The following CARNS1 variants were observed in gnomAD, a reference collection of about 807,000 sequenced individuals.
CARNS1 encodes the protein ATP-grasp domain containing 1.
Under a neutral mutation model 74.0 loss-of-function variants are expected in CARNS1, and 61 were observed. The observed-to-expected ratio is 0.82, with a 90% CI of 0.67 to 1.02. The LOEUF (loss-of-function observed/expected upper bound fraction) is 1.02. Ranked by LOEUF, CARNS1 falls within the 50% of genes least tolerant of loss-of-function variation. CARNS1 has a pLI of 0.00. For synonymous variants in CARNS1, 568 were observed against 605.5 expected (o/e 0.94, Z 0.91); for missense variants, 1,278 against 1,308.4 (o/e 0.98, Z 0.36).
At chr11:67,416,297 G>A in intron 2 of CARNS1, 95 bp downstream of exon 2, 1 of 1,532,922 alleles carries the variant, frequency 6.5e-7, no homozygotes. Context: ...CCTAAGCCTG[G>A]GAGTTGCCCC....
intron 9 of CARNS1, 88 bp downstream of exon 9, chr11:67,421,307 G>T: frequency 7.6e-7 from 1 of 1,309,724 alleles, no homozygotes; most frequent in East Asian, 3.1e-5. Flanking sequence ...GAGCAAAGGG[G>T]CGTCCTTGGG....
chr11:67,415,986 G>A, intron 1 of CARNS1, 190 bp from the exon 2 acceptor site: 1 of 595,834 alleles, frequency 1.7e-6, no homozygotes, highest in South Asian at 1.8e-5. Flanking sequence ...CACTGGGGCA[G>A]GAGCCACTCG....
intron 2 of CARNS1, chr11:67,416,749 T>TGG: frequency 2.0e-6 from 2 of 985,938 alleles, no homozygotes; most frequent in Non-Finnish European, 2.4e-6. Flanking sequence ...AGCCCCATAT[T>TGG]GGGGGGGCGC....
chr11:67,421,183 G>C lies in CARNS1; in HGVS notation c.1590G>C (p.Lys530Asn), dbSNP rs1461784352. 2 of 1,495,440 alleles carry C rather than the reference G, an allele frequency of 1.3e-6. No homozygotes were observed. The highest frequency in any genetic ancestry group is 4.4e-5 in the Admixed American group (2 of 45,514). The allele number at this position is 1,495,440 out of a possible 1,614,324, so 92.6% of individuals were successfully genotyped here. A position where few individuals can be genotyped will look rare whatever the true frequency, so the allele number is the denominator to read the frequency against. ...TCGGCGCTGGCGGCGTCAGCAAGAA[G>C]TTCGTGTGGGAGGCGGCGCGCGACT... ...LVVGAGGVSK[K>N]FVWEAARDYG... Residue 530 changes from lysine to asparagine, a missense_variant, in exon 9 of 10, where the codon AAG becomes AAC. Physicochemically the swap from Lys to Asn is moderately conservative, Grantham distance 94. Around this residue, in one of 3 missense-constraint regions of CARNS1, gnomAD observed 1,164 missense variants for 1,156.5 expected, o/e 1.01. Transcript: ENST00000687366.
intron 3 of CARNS1, among the ~76,000 whole-genome samples, chr11:67,417,902 C>T (rs1755825923): frequency 6.6e-6 from 1 of 152,190 alleles, no homozygotes; most frequent in Admixed American, 6.5e-5. Flanking sequence ...CACCCCCTCC[C>T]CAAAAAGACC....
chr11:67,425,011 C>A lies in CARNS1; in HGVS notation c.*410C>A, dbSNP rs1225398974. 8.3e-6 allele frequency: 4 copies of A among 481,246 alleles called. No individual in the cohort carries two copies. The highest frequency in any genetic ancestry group is 5.9e-5 in the African/African-American group (3 of 51,022). 29.8% of individuals were successfully genotyped at this position (481,246 alleles called of 1,614,324 possible). ...GGAGAGGACCTGGCTGGGCCCCAAG[C>A]CTTGGACAAATCCTGGGAAAACCTG... On this transcript the variant is annotated 3_prime_UTR_variant, in exon 10 of 10. Transcript: ENST00000687366.
At chr11:67,418,094 GA>G (rs1364950368) in intron 3 of CARNS1, among the ~76,000 whole-genome samples, 1 of 152,194 alleles carries the variant, frequency 6.6e-6, no homozygotes, top group Non-Finnish European at 1.5e-5. Context: ...GAATACCTGA[GA>G]ATCACAGACT....
At chr11:67,420,166 C>T (rs1013989225) in intron 7 of CARNS1, among the ~76,000 whole-genome samples, 7 of 152,190 alleles carry the variant, frequency 4.6e-5, no homozygotes, top group African/African-American at 1.7e-4. Context: ...CCTCTAGTGC[C>T]TGGACGCCTT....
At chr11:67,418,612 G>A (rs995799299) in intron 4 of CARNS1, 92 bp downstream of exon 4, 39 of 1,435,312 alleles carry the variant, frequency 2.7e-5, no homozygotes, top group Non-Finnish European at 3.4e-5. Flanking sequence ...GCCAACCCTG[G>A]CAACTGCCTG....
At position 67,424,919 on chromosome 11, in the gene CARNS1, G is replaced by A. The variant is rs1863797187; in HGVS notation, c.*318G>A. On this transcript the variant is annotated 3_prime_UTR_variant, in exon 10 of 10. Transcript: ENST00000687366. The stretch of plus-strand genomic sequence containing the variant: ...TCTGACGCCAGCTCCCCAGGTGGGA[G>A]TGGGCCCAAACCCAGCCCCTCCTGT... 1.7e-6 allele frequency: 1 copy of A among 582,404 alleles called. No individual in the cohort carries two copies. The highest frequency in any genetic ancestry group is 3.2e-6 in the Non-Finnish European group (1 of 310,560). The allele number at this position is 582,404 out of a possible 1,614,324, so 36.1% of individuals were successfully genotyped here. A position where few individuals can be genotyped will look rare whatever the true frequency, so the allele number is the denominator to read the frequency against.
rs755150283 is a variant in CARNS1 at position 67,424,016 on chromosome 11, G to C, written c.2268G>C (p.Arg756Ser). The change falls in exon 10 of 10, where the codon AGG becomes AGC. Residue 756 changes from arginine (R) to serine (S), a missense_variant. Physicochemically the swap from Arg to Ser is moderately radical, Grantham distance 110 (BLOSUM62 -1). Coordinates refer to ENST00000687366, the MANE Select transcript of CARNS1 (RefSeq NM_001166222.2). ...AAFVSDNGPT[R>S]LPGFTETAAC... ...TTGTCTCCGACAATGGCCCTACGAG[G>C]CTGCCTGGCTTCACTGAGACGGCGG... is the stretch of plus-strand genomic sequence containing the variant. The C allele has an allele frequency of 6.2e-7, 1 of 1,612,774 alleles. No individual in the cohort carries two copies. The highest frequency in any genetic ancestry group is 8.5e-7 in the Non-Finnish European group (1 of 1,179,806).
chr11:67,424,987 G>T lies in CARNS1; in HGVS notation c.*386G>T. The T allele has an allele frequency of 2.0e-6, 1 of 495,916 alleles. No individual in the cohort carries two copies. Among genetic ancestry groups the T allele is most frequent in the Non-Finnish European group, 3.9e-6 (1 of 253,928 alleles). 30.7% of individuals were successfully genotyped at this position (495,916 alleles called of 1,614,324 possible). The stretch of plus-strand genomic sequence containing the variant: ...ACTCTCTTCCTGCCATCTACAAGAG[G>T]AGAGGACCTGGCTGGGCCCCAAGCC... On this transcript the variant is annotated 3_prime_UTR_variant, in exon 10 of 10. Coordinates refer to ENST00000687366, the MANE Select transcript of CARNS1 (RefSeq NM_001166222.2).
Position 67,425,299 on chromosome 11 carries a change from G to C in CARNS1, c.*698G>C, listed in dbSNP as rs970859930. ...GAGCGGGTCACAGGACATGATGCAG[G>C]GTCCAGGTTTCTGTTTTGATCAAGT... is the stretch of plus-strand genomic sequence containing the variant. On this transcript the variant is annotated 3_prime_UTR_variant, in exon 10 of 10. Coordinates refer to ENST00000687366, the MANE Select transcript of CARNS1 (RefSeq NM_001166222.2). The C allele has an allele frequency of 1.5e-5, 5 of 341,928 alleles. No individual in the cohort carries two copies. Among genetic ancestry groups the C allele is most frequent in the Non-Finnish European group, 2.9e-5 (5 of 172,372 alleles). 21.2% of individuals were successfully genotyped at this position (341,928 alleles called of 1,614,324 possible). A position where few individuals can be genotyped will look rare whatever the true frequency, so the allele number is the denominator to read the frequency against.
intron 2 of CARNS1, 31 bp from the exon 3 acceptor site, chr11:67,417,376 T>C (rs994626702): frequency 3.8e-6 from 5 of 1,299,924 alleles, no homozygotes; most frequent in Non-Finnish European, 4.9e-6. Flanking sequence ...TGGCCCACCC[T>C]GCCCAAGACC....
At position 67,423,354 on chromosome 11, in the gene CARNS1, C is replaced by T. The variant is rs1485984224; in HGVS notation, c.1627-21C>T. The T allele has an allele frequency of 6.3e-7, 1 of 1,584,936 alleles. No individual in the cohort carries two copies. Among genetic ancestry groups the T allele is most frequent in the Non-Finnish European group, 8.6e-7 (1 of 1,162,508 alleles). On this transcript the variant is annotated intron_variant, in intron 9 of 9. Coordinates refer to ENST00000687366, the MANE Select transcript of CARNS1 (RefSeq NM_001166222.2). The surrounding 1 kb of genome is among the most constrained non-coding windows in gnomAD (Gnocchi z 5.1). ...CCAGTACTAGCTGACCTGGATATGC[C>T]CCACCCTGTGGCTTCTGCAGCTGCA... is the stretch of plus-strand genomic sequence containing the variant.
rs776915575 is a variant in CARNS1 at position 67,419,139 on chromosome 11, G to A, written c.748G>A (p.Gly250Arg). 6.4e-7 allele frequency: 1 copy of A among 1,570,662 alleles called. No homozygotes were observed. The highest frequency in any genetic ancestry group is 1.2e-5 in the South Asian group (1 of 86,036). Residue 250 changes from glycine to arginine, a missense_variant, in exon 5 of 10, where the codon GGG becomes AGG. By Grantham distance (125) the Gly-to-Arg change is moderately radical. Transcript: ENST00000687366. ...GLLRGGDASL[G>R]LRLVELSGKE... The stretch of plus-strand genomic sequence containing the variant: ...GCTGCGGGGAGGGGATGCCAGCCTA[G>A]GGCTACGGCTGGTGGAGCTGAGTGG...
chr11:67,423,191 G>A lies in CARNS1; in HGVS notation c.1627-184G>A, dbSNP rs529098919. Among the ~76,000 whole-genome samples, 1 of 152,152 alleles carries A rather than the reference G, an allele frequency of 6.6e-6. No homozygotes were observed. Among genetic ancestry groups the A allele is most frequent in the South Asian group, 2.1e-4 (1 of 4,814 alleles). On this transcript the variant is annotated intron_variant, in intron 9 of 9. Coordinates refer to ENST00000687366, the MANE Select transcript of CARNS1 (RefSeq NM_001166222.2). The surrounding 1 kb of genome is among the most constrained non-coding windows in gnomAD (Gnocchi z 5.1). ...CTCTAGGATGCCTTCCCTCCCCTCC[G>A]GCCTGTATCAGGTGTCCCACTTCTG... is the stretch of plus-strand genomic sequence containing the variant.
In CARNS1 at chr11:67,423,851, T is replaced by C. The variant is rs1003092976; in HGVS notation, c.2103T>C (p.Ile701=). The C allele has an allele frequency of 1.2e-6, 2 of 1,612,668 alleles. No individual in the cohort carries two copies. Among genetic ancestry groups the C allele is most frequent in the African/African-American group, 2.7e-5 (2 of 74,940 alleles). ...AGTGCCATGAGCACTTTTCCCGGAT[T>C]ACCCGAGACTTGCAGGGCGAGGCCG... ...APQCHEHFSR[I]TRDLQGEADH... is the part of the protein sequence containing the mutation. Residue 701 remains isoleucine, a synonymous_variant, in exon 10 of 10, where the codon ATT becomes ATC. Coordinates refer to ENST00000687366, the MANE Select transcript of CARNS1 (RefSeq NM_001166222.2). The surrounding 1 kb of genome is among the most constrained non-coding windows in gnomAD (Gnocchi z 5.1).
In CARNS1 at chr11:67,419,083, C is replaced by A; in HGVS notation, c.692C>A (p.Thr231Asn). Residue 231 changes from threonine to asparagine, a missense_variant, in exon 5 of 10, where the codon ACC becomes AAC. Physicochemically the swap from Thr to Asn is moderately conservative, Grantham distance 65 (BLOSUM62 0). This residue lies in a region of CARNS1 where 1,164 missense variants were observed against 1,156.5 expected (regional missense o/e 1.01). Transcript: ENST00000687366. ...AQQGGVAVPA[T>N]LAFTYKPPGL... ...CAGGGTGGTGTGGCTGTGCCAGCAA[C>A]CCTGGCTTTCACCTACAAGCCGCCG... The A allele has an allele frequency of 6.4e-7, 1 of 1,566,330 alleles. No homozygotes were observed. The highest frequency in any genetic ancestry group is 8.6e-7 in the Non-Finnish European group (1 of 1,156,292).
Sources: allele counts gnomAD v4.1 joint callset (sites outside exome capture counted in the v4.1 genomes callset), GRCh38; gene constraint gnomAD v4.1.1; regional missense constraint gnomAD v4.1.1; non-coding constraint Gnocchi (gnomAD v3.1); transcripts MANE v1.5; gene names NCBI Gene and HGNC (gene_info 2026-07-23, HGNC 2026-07-21).